The following DNAH12 variants were observed in gnomAD, a reference collection of about 807,000 sequenced individuals.
DNAH12 encodes axonemal beta dynein heavy chain 12.
DNAH12 carries 285 observed loss-of-function variants against 371.5 expected under a neutral mutation model. The observed-to-expected ratio is 0.77, with a 90% CI of 0.70 to 0.85. The LOEUF is 0.85. Ranked by LOEUF, DNAH12 falls within the 40% of genes least tolerant of loss-of-function variation. The probability of loss-of-function intolerance (pLI) is 0.00; values close to 1 mark genes in which losing one functional copy is unlikely to be tolerated. For missense variants in DNAH12, 3,611 were observed against 3,689.4 expected (o/e 0.98, Z 0.55); for synonymous variants, 1,200 against 1,213.0 (o/e 0.99, Z 0.22).
At chr3:57,428,473 T>A (rs4681732) in intron 34 of DNAH12, 160 bp downstream of exon 34, 317,237 of 1,533,356 alleles carry the variant, frequency 0.21, 35,324 homozygotes, top group African/African-American at 0.32. Context: ...CCCTGAGTTA[T>A]GCAGCTATAA....
intron 60 of DNAH12, among the ~76,000 whole-genome samples, chr3:57,342,895 C>A (rs1487900172): frequency 3.3e-5 from 5 of 151,924 alleles, no homozygotes; most frequent in Admixed American, 3.3e-4. Flanking sequence ...CAGCAAAACC[C>A]TGTCTCTACA....
chr3:57,535,530 ATATTTTATTT>A (rs946162046), intron 2 of DNAH12, among the ~76,000 whole-genome samples: 1 of 151,910 alleles, frequency 6.6e-6, no homozygotes, highest in Non-Finnish European at 1.5e-5. Context: ...TATTTTTTTT[ATATTTTATTT>A]TATTTTATTT....
At chr3:57,323,674 T>A in intron 62 of DNAH12, 55 bp from the exon 63 acceptor site, 1 of 1,422,534 alleles carries the variant, frequency 7.0e-7, no homozygotes, top group South Asian at 1.6e-5. Context: ...ACATAATGGA[T>A]ATGAATATTA....
intron 2 of DNAH12, among the ~76,000 whole-genome samples, chr3:57,525,832 G>A (rs1335228099): frequency 1.7e-5 from 2 of 118,924 alleles, no homozygotes; most frequent in Non-Finnish European, 3.2e-5. Flanking sequence ...GCATGATCTC[G>A]ACTCACCAAA....
In DNAH12 at chr3:57,342,871, G is replaced by A. The variant is rs565394600; in HGVS notation, c.9675-7931C>T. The stretch of plus-strand genomic sequence containing the variant: ...GTGGATCACTTTAGCCCAGGAGTGC[G>A]TGACTGGGCAACACAGCAAAACCCT... On this transcript the variant is annotated intron_variant, in intron 60 of 73. Transcript: ENST00000495027. Among the ~76,000 whole-genome samples, 6 of 151,966 alleles carry A rather than the reference G, an allele frequency of 3.9e-5. No individual in the cohort carries two copies. In the South Asian group the frequency reaches 6.2e-4, roughly 16 times the overall value.
chr3:57,510,846 T>C lies in DNAH12; in HGVS notation c.413A>G (p.Glu138Gly), dbSNP rs2067968134. Residue 138 changes from glutamate (E) to glycine (G), a missense_variant, in exon 5 of 74, where the codon GAA (glutamate) becomes GGA (glycine). By Grantham distance (98) the Glu-to-Gly change is moderately conservative. This residue lies in a region of DNAH12 where 1,314 missense variants were observed against 1,398.7 expected (regional missense o/e 0.94). Transcript: ENST00000495027. ...ACTTGACACCTCATTTATGAGACTTTCAAGAAGTTCTTCTCTTTCTTTCCC... is the reference window on the plus strand; with the variant it reads ...ACTTGACACCTCATTTATGAGACTTCCAAGAAGTTCTTCTCTTTCTTTCCC... Reference protein sequence around the residue: ...KEGKEREELLESLINEVSSDF... With the variant: ...KEGKEREELLGSLINEVSSDF... 1 of 1,614,084 alleles carries C rather than the reference T, an allele frequency of 6.2e-7. No homozygotes were observed. Among genetic ancestry groups the C allele is most frequent in the Non-Finnish European group, 8.5e-7 (1 of 1,180,018 alleles).
At chr3:57,388,941 T>C (rs1373238056) in intron 45 of DNAH12, among the ~76,000 whole-genome samples, 4 of 151,750 alleles carry the variant, frequency 2.6e-5, no homozygotes, top group African/African-American at 4.8e-5. Context: ...CATTAGGATA[T>C]ATACCTAATG....
At position 57,377,197 on chromosome 3, in the gene DNAH12, A is replaced by G. The variant is rs1166789663; in HGVS notation, c.8249T>C (p.Leu2750Ser). Reference protein sequence around the residue: ...AKVVAPKKARLSEAQKSLAET... With the variant: ...AKVVAPKKARSSEAQKSLAET... ...AGCTAAAGACTTCTGAGCTTCTGAT[A>G]AGCGAGCTTTCTTAGGAGCCACTAC... Residue 2750 changes from leucine to serine, a missense_variant, in exon 53 of 74, where the codon TTA (leucine) becomes TCA (serine). Physicochemically the swap from Leu to Ser is moderately radical, Grantham distance 145. Transcript: ENST00000495027. The G allele has an allele frequency of 6.6e-6, 1 of 152,170 alleles. No homozygotes were observed. The highest frequency in any genetic ancestry group is 6.6e-5 in the Admixed American group (1 of 15,258). The allele number at this position is 152,170 out of a possible 1,614,324, so 9.4% of individuals were successfully genotyped here.
chr3:57,468,928 A>G lies in DNAH12; in HGVS notation c.2157T>C (p.Asp719=), dbSNP rs773145062. 2.2e-5 allele frequency: 34 copies of G among 1,518,958 alleles called. No homozygotes were observed. Among genetic ancestry groups the G allele is most frequent in the Non-Finnish European group, 2.9e-5 (33 of 1,137,270 alleles). 94.1% of individuals were successfully genotyped at this position (1,518,958 alleles called of 1,614,324 possible). A position where few individuals can be genotyped will look rare whatever the true frequency, so the allele number is the denominator to read the frequency against. Residue 719 remains aspartate, a synonymous_variant, in exon 17 of 74, where the codon GAT becomes GAC. Coordinates refer to ENST00000495027, the MANE Select transcript of DNAH12 (RefSeq NM_001366028.2). ...LDLNGESMEA[D]VEEFSREIFK... ...AAATTTCTCGGGAAAACTCTTCCAC[A>G]TCAGCCTCCATGCTTTCCCCATTGA...
intron 43 of DNAH12, among the ~76,000 whole-genome samples, chr3:57,394,803 CA>C: frequency 6.6e-6 from 1 of 152,244 alleles, no homozygotes; most frequent in Non-Finnish European, 1.5e-5. Flanking sequence ...ACCCCAAATT[CA>C]GCTATGTCAA....
intron 43 of DNAH12, chr3:57,402,370 G>C (rs562440783): frequency 7.7e-7 from 1 of 1,303,286 alleles, no homozygotes; most frequent in African/African-American, 1.5e-5. Context: ...AGGCATATAA[G>C]GACGAAGCCC....
intron 25 of DNAH12, among the ~76,000 whole-genome samples, chr3:57,450,068 T>C (rs6807800): frequency 0.69 from 105,011 of 151,962 alleles, 36,487 homozygotes; most frequent in South Asian, 0.8. Context: ...GCCAACATGG[T>C]GAAACCCTGT....
chr3:57,427,090 CTCTT>C (rs1429718570), intron 34 of DNAH12, among the ~76,000 whole-genome samples: 1 of 150,138 alleles, frequency 6.7e-6, no homozygotes, highest in East Asian at 1.9e-4. Flanking sequence ...AACTGAGTAT[CTCTT>C]TCCCCTCTGT....
chr3:57,421,065 GT>G (rs34482114), intron 36 of DNAH12, among the ~76,000 whole-genome samples: 16,838 of 151,988 alleles, frequency 0.11, 1,275 homozygotes, highest in South Asian at 0.17. Flanking sequence ...TGTTAGCATG[GT>G]TTTGGGGAAA....
At chr3:57,402,378 C>G (rs1400149856) in intron 43 of DNAH12, 8 of 1,304,268 alleles carry the variant, frequency 6.1e-6, no homozygotes, top group Non-Finnish European at 6.1e-6. Context: ...AAGGACGAAG[C>G]CCCAAGTATG....
chr3:57,482,663 G>C (rs1313715623), intron 13 of DNAH12, among the ~76,000 whole-genome samples: 1 of 151,982 alleles, frequency 6.6e-6, no homozygotes, highest in Non-Finnish European at 1.5e-5. Flanking sequence ...CAAAGACTTG[G>C]AACCAACCCA....
At chr3:57,492,775 G>C (rs551854715) in intron 11 of DNAH12, among the ~76,000 whole-genome samples, 1 of 152,216 alleles carries the variant, frequency 6.6e-6, no homozygotes, top group African/African-American at 2.4e-5. Context: ...TTGGGAGGCC[G>C]AAGCAGGTGG....
chr3:57,442,434 T>G (rs2065337708), intron 29 of DNAH12, among the ~76,000 whole-genome samples: 1 of 152,210 alleles, frequency 6.6e-6, no homozygotes, highest in African/African-American at 2.4e-5. Context: ...GTGCTTATAT[T>G]TTTTGTCAAC....
At chr3:57,490,347 T>G (rs1040728195) in intron 11 of DNAH12, among the ~76,000 whole-genome samples, 1 of 152,078 alleles carries the variant, frequency 6.6e-6, no homozygotes, top group African/African-American at 2.4e-5. Flanking sequence ...AATATAATGA[T>G]AATAATCCAG....
Sources: gnomAD v4.1 joint callset for allele counts (sites outside exome capture counted in the v4.1 genomes callset) on GRCh38, gnomAD v4.1.1 for gene constraint, gnomAD v4.1.1 regional missense constraint, MANE v1.5 for transcripts, NCBI Gene and HGNC (gene_info 2026-07-23, HGNC 2026-07-21) for gene names.